The following EPHX1 variants were observed in gnomAD, a reference collection of about 807,000 sequenced individuals.
The protein encoded by EPHX1 is epoxide hydratase.
Under a neutral mutation model 43.2 loss-of-function variants are expected in EPHX1, and 40 were observed. The ratio of observed to expected loss-of-function variants is 0.93; its 90% CI spans 0.72 to 1.21. EPHX1 has a LOEUF of 1.21. Among genes scored for constraint, EPHX1 ranks in the 50% most tolerant of loss-of-function variants. The pLI is 0.00. For missense variants in EPHX1, 550 were observed against 570.4 expected (o/e 0.96, Z 0.36); for synonymous variants, 221 against 226.7 (o/e 0.98, Z 0.22).
chr1:225,833,969 G>A (rs1456361268), intron 3 of EPHX1, among the ~76,000 whole-genome samples: 2 of 150,812 alleles, frequency 1.3e-5, no homozygotes, highest in Non-Finnish European at 3.0e-5. Context: ...GTGGTGGCAG[G>A]CGCCTGTGGT....
intron 3 of EPHX1, among the ~76,000 whole-genome samples, chr1:225,832,529 GAA>G (rs1667670642): frequency 6.6e-6 from 1 of 152,224 alleles, no homozygotes; most frequent in Admixed American, 6.5e-5. Flanking sequence ...CTCAAAGAAA[GAA>G]AAGACTCTGC....
chr1:225,821,823 A>G (rs950660939), intron 1 of EPHX1, among the ~76,000 whole-genome samples: 1 of 152,072 alleles, frequency 6.6e-6, no homozygotes, highest in African/African-American at 2.4e-5. Context: ...TTGGCCTCCC[A>G]AAGTGCTGGG....
Position 225,845,152 on chromosome 1 carries a change from G to A in EPHX1, c.1173G>A (p.Lys391=). The change falls in exon 9 of 9, where the codon AAG becomes AAA. Residue 391 remains lysine (K), a synonymous_variant. Transcript: ENST00000272167. Reference sequence around the variant, plus strand: ...TCGGCTCTTTCACTTCCAGGATGAAGGTCTATGTGCCCACTGGCTTCTCTG... The same window carrying A: ...TCGGCTCTTTCACTTCCAGGATGAAAGTCTATGTGCCCACTGGCTTCTCTG... ...GWMTQKHERM[K]VYVPTGFSAF... is the part of the protein sequence containing the mutation. 1.2e-6 allele frequency: 2 copies of A among 1,614,130 alleles called. No individual in the cohort carries two copies. Among genetic ancestry groups the A allele is most frequent in the Non-Finnish European group, 1.7e-6 (2 of 1,180,018 alleles).
chr1:225,839,808 G>A (rs756758969), intron 5 of EPHX1, 21 bp from the exon 6 acceptor site: 22 of 1,612,028 alleles, frequency 1.4e-5, no homozygotes, highest in Non-Finnish European at 1.5e-5. Flanking sequence ...GCCTCACCCC[G>A]GCCCCTCTCT....
At chr1:225,829,141 C>T (rs1463167784) in intron 2 of EPHX1, among the ~76,000 whole-genome samples, 1 of 152,130 alleles carries the variant, frequency 6.6e-6, no homozygotes, top group Non-Finnish European at 1.5e-5. Context: ...ACCCAAGGCC[C>T]AGCAGTGCTC....
rs1668181013 is a variant in EPHX1 at position 225,839,355 on chromosome 1, A to C, written c.722+9A>C. The stretch of plus-strand genomic sequence containing the variant: ...GCCCAGCTGGTGCCCAGGTGAGGTC[A>C]CTGTTGGGGTGGTGTGTGTGTGTGT... On this transcript the variant is annotated intron_variant, in intron 5 of 8. Coordinates refer to ENST00000272167, the MANE Select transcript of EPHX1 (RefSeq NM_001136018.4). 3 of 1,597,292 alleles carry C rather than the reference A, an allele frequency of 1.9e-6. No individual in the cohort carries two copies. The highest frequency in any genetic ancestry group is 3.4e-4 in the Middle Eastern group (2 of 5,820).
intron 7 of EPHX1, 71 bp downstream of exon 7, chr1:225,842,545 C>A: frequency 9.0e-7 from 1 of 1,113,300 alleles, no homozygotes; most frequent in South Asian, 1.2e-5. Flanking sequence ...CTCTTCATCC[C>A]CTTGTCTGGT....
intron 1 of EPHX1, among the ~76,000 whole-genome samples, chr1:225,816,873 TTTTC>T (rs1316296494): frequency 5.9e-5 from 9 of 152,158 alleles, no homozygotes; most frequent in Non-Finnish European, 1.2e-4. Flanking sequence ...TCCCAAATTG[TTTTC>T]TTTCTATCTC....
At chr1:225,816,973 A>G (rs1203951107) in intron 1 of EPHX1, among the ~76,000 whole-genome samples, 1 of 152,180 alleles carries the variant, frequency 6.6e-6, no homozygotes, top group Non-Finnish European at 1.5e-5. Context: ...CCTGCCCCCA[A>G]GAAGGCTGTC....
intron 1 of EPHX1, among the ~76,000 whole-genome samples, chr1:225,819,807 CT>C (rs796584830): frequency 4.6e-5 from 7 of 152,176 alleles, no homozygotes; most frequent in Non-Finnish European, 1.0e-4. Context: ...ATTTATAACT[CT>C]TTGTCCGCAC....
chr1:225,820,184 G>T (rs990761239), intron 1 of EPHX1, among the ~76,000 whole-genome samples: 1 of 151,998 alleles, frequency 6.6e-6, no homozygotes, highest in African/African-American at 2.4e-5. Flanking sequence ...TGCAACCTCC[G>T]CCTCCTGGGT....
chr1:225,836,970 C>T (rs1055382932), intron 3 of EPHX1, among the ~76,000 whole-genome samples: 12 of 152,204 alleles, frequency 7.9e-5, no homozygotes, highest in African/African-American at 2.7e-4. Flanking sequence ...CTAAGGAAAT[C>T]AATGGACTTT....
At chr1:225,841,428 AC>A (rs1668402097) in intron 6 of EPHX1, among the ~76,000 whole-genome samples, 1 of 150,990 alleles carries the variant, frequency 6.6e-6, no homozygotes, top group Non-Finnish European at 1.5e-5. Flanking sequence ...GATTACAGGC[AC>A]CTGCCACCAT....
intron 7 of EPHX1, among the ~76,000 whole-genome samples, chr1:225,842,863 G>A (rs942652189): frequency 6.6e-6 from 1 of 152,196 alleles, no homozygotes; most frequent in Non-Finnish European, 1.5e-5. Context: ...CCAGGAGGGT[G>A]GTCGCAGAAA....
chr1:225,820,859 C>G (rs943243923), intron 1 of EPHX1, among the ~76,000 whole-genome samples: 1 of 151,950 alleles, frequency 6.6e-6, no homozygotes, highest in Non-Finnish European at 1.5e-5. Context: ...ATCTGTTATC[C>G]GTTTGTCTGC....
rs752567341 is a variant in EPHX1, at chr1:225,842,470, G to A, written c.1036G>A (p.Glu346Lys). The change falls in exon 7 of 9, where the codon GAA becomes AAA. Residue 346 changes from glutamate (E) to lysine (K), a missense_variant. Coordinates refer to ENST00000272167, the MANE Select transcript of EPHX1 (RefSeq NM_001136018.4). The part of the protein sequence containing the change: ...EFRYLEDGGL[E>K]RKFSLDDLLT... ...CCGATACCTGGAGGATGGAGGCCTG[G>A]AAAGGTGAGGCCCTGGTTTGCCCCT... 6.2e-7 allele frequency: 1 copy of A among 1,609,906 alleles called. No homozygotes were observed. The highest frequency in any genetic ancestry group is 1.1e-5 in the South Asian group (1 of 90,992).
In EPHX1 at chr1:225,815,411, CTTTTTTTT is replaced by C. The variant is rs5781415; in HGVS notation, c.-6+5257_-6+5264del. On this transcript the variant is annotated intron_variant, in intron 1 of 8. Transcript: ENST00000272167. ...TGCACCACCATGCCCAGCTAATTTT[CTTTTTTTT>C]TTTTTTTTTTTTTTGTAGAGACAAG... Among the ~76,000 whole-genome samples, 8 of 78,194 alleles carry C rather than the reference CTTTTTTTT, an allele frequency of 1.0e-4. 3 individuals carry two copies. The highest frequency in any genetic ancestry group is 1.0e-3 in the South Asian group (2 of 1,972). The allele number at this position is 78,194 out of a possible 152,430, so 51.3% of individuals were successfully genotyped here. A position where few individuals can be genotyped will look rare whatever the true frequency, so the allele number is the denominator to read the frequency against.
In EPHX1 at chr1:225,844,481, G is replaced by A; in HGVS notation, c.1041-17G>A. The A allele has an allele frequency of 6.2e-7, 1 of 1,614,106 alleles. No individual in the cohort carries two copies. Among genetic ancestry groups the A allele is most frequent in the Non-Finnish European group, 8.5e-7 (1 of 1,179,994 alleles). On this transcript the variant is annotated splice_polypyrimidine_tract_variant and intron_variant, in intron 7 of 8. Coordinates refer to ENST00000272167, the MANE Select transcript of EPHX1 (RefSeq NM_001136018.4). Reference sequence around the variant, plus strand: ...CATGTGGCACTGAGAGTGGGGCTTTGTGTTCTGCGTTCCCAGGAAGTTCTC... The same window carrying A: ...CATGTGGCACTGAGAGTGGGGCTTTATGTTCTGCGTTCCCAGGAAGTTCTC...
chr1:225,839,155 A>C (rs2102756629), intron 4 of EPHX1, 62 bp from the exon 5 acceptor site: 7 of 1,611,954 alleles, frequency 4.3e-6, no homozygotes, highest in Non-Finnish European at 5.9e-6. Context: ...AGAACACCAG[A>C]GGGCCCAAGG....
Sources: gnomAD v4.1 joint callset for allele counts (sites outside exome capture counted in the v4.1 genomes callset) on GRCh38, gnomAD v4.1.1 for gene constraint, MANE v1.5 for transcripts, NCBI Gene and HGNC (gene_info 2026-07-23, HGNC 2026-07-21) for gene names.